The following HADH variants were observed in gnomAD, a reference collection of about 807,000 sequenced individuals.
HADH encodes the protein hydroxyacyl-CoA dehydrogenase.
In HADH, 24 loss-of-function variants were observed where a neutral mutation model predicts 32.2. The observed-to-expected ratio is 0.75, with a 90% confidence interval of 0.54 to 1.05. The LOEUF is 1.05. Ranked by LOEUF, HADH falls within the 50% of genes least tolerant of loss-of-function variation. The pLI is 0.00. For missense variants in HADH, 350 were observed against 397.1 expected (o/e 0.88, Z 1.01); for synonymous variants, 139 against 152.5 (o/e 0.91, Z 0.65).
At chr4:108,034,162 G>C in intron 7 of HADH, 77 bp from the exon 8 acceptor site, 1 of 1,010,804 alleles carries the variant, frequency 9.9e-7, no homozygotes, top group Non-Finnish European at 1.6e-6. Context: ...CAGGCCTCCA[G>C]ACTTGTCCTT....
At chr4:108,023,747 TCCTAAGCCATG>T (rs1461969762) in intron 5 of HADH, 184 bp downstream of exon 5, 1 of 627,484 alleles carries the variant, frequency 1.6e-6, no homozygotes, top group Non-Finnish European at 2.9e-6. Flanking sequence ...GAAACTGGAC[TCCTAAGCCATG>T]CCTAAGGCCA....
intron 4 of HADH, among the ~76,000 whole-genome samples, chr4:108,020,233 G>A (rs894773438): frequency 7.9e-5 from 12 of 152,214 alleles, no homozygotes; most frequent in Non-Finnish European, 1.5e-5. Context: ...ACTTTTGGAG[G>A]TGGAAGTTAG....
In HADH at chr4:108,032,382, C is replaced by A. The variant is rs1736301791; in HGVS notation, c.710-794C>A. On this transcript the variant is annotated intron_variant, in intron 6 of 7. Coordinates refer to ENST00000309522, the MANE Select transcript of HADH (RefSeq NM_005327.7). ...GTTTGGGCTTTTCTTTAAAAGGTAT[C>A]TTGACTAAAAGGTTTGTGTGAAATG... 1.9e-6 allele frequency: 3 copies of A among 1,587,882 alleles called. No homozygotes were observed. The East Asian group carries it at 6.7e-5, about 36-fold the overall frequency.
Position 108,014,609 on chromosome 4 carries a change from C to A in HADH, c.419+21C>A, listed in dbSNP as rs17585652. ...GCTGAGTATGTAACCTCTGGACAAT[C>A]TTCTTTTTTTTTTTTTTTAACCTTA... On this transcript the variant is annotated intron_variant, in intron 3 of 7. Transcript: ENST00000309522. 6,166 of 1,520,690 alleles carry A rather than the reference C, an allele frequency of 4.1e-3. 187 individuals carry two copies. The African/African-American group carries it at 0.068, about 17-fold the overall frequency. 94.2% of individuals were successfully genotyped at this position (1,520,690 alleles called of 1,614,324 possible).
chr4:108,008,802 C>T (rs1338854764), intron 1 of HADH, among the ~76,000 whole-genome samples: 1 of 152,172 alleles, frequency 6.6e-6, no homozygotes, highest in Non-Finnish European at 1.5e-5. Flanking sequence ...CATGCCTGTC[C>T]TCTTGCTTCT....
chr4:108,020,228 T>C (rs1735838780), intron 4 of HADH, among the ~76,000 whole-genome samples: 2 of 152,162 alleles, frequency 1.3e-5, no homozygotes. Context: ...CTAGAACTTT[T>C]GGAGGTGGAA....
In HADH at chr4:107,990,031, C is replaced by G. The variant is rs74428123; in HGVS notation, c.99C>G (p.Ile33Met). The change falls in exon 1 of 8, where the codon ATC becomes ATG. Residue 33 changes from isoleucine (I) to methionine (M), a missense_variant. Transcript: ENST00000309522. ...KKIIVKHVTV[I>M]GGGLMGAGIA... ...TAATCGTCAAGCACGTGACGGTCAT[C>G]GGCGGCGGGCTGATGGGCGCCGGCA... The G allele has an allele frequency of 2.0e-4, 317 of 1,611,244 alleles. 1 individual carries two copies. In the East Asian group the frequency reaches 5.5e-3, roughly 28 times the overall value.
In HADH at chr4:108,027,756, A is replaced by C. The variant is rs911399847; in HGVS notation, c.705A>C (p.Glu235Asp). The C allele has an allele frequency of 4.4e-6, 7 of 1,593,168 alleles. No individual in the cohort carries two copies. The Admixed American group carries it at 5.0e-5, about 11-fold the overall frequency. ...PYLMEAIRLY[E>D]RGDASKEDID... ...TCATGGAAGCAATCAGGCTGTATGA[A>C]CGAGGTATCCTTCTGACCCAGGCCA... Residue 235 changes from glutamate to aspartate, a missense_variant, in exon 6 of 8, where the codon GAA becomes GAC. Coordinates refer to ENST00000309522, the MANE Select transcript of HADH (RefSeq NM_005327.7).
intron 5 of HADH, 80 bp downstream of exon 5, chr4:108,023,643 T>C (rs1285331590): frequency 9.2e-6 from 8 of 866,270 alleles, no homozygotes; most frequent in African/African-American, 3.3e-5. Context: ...ATTCTTCTCA[T>C]AGAATGATGT....
intron 6 of HADH, chr4:108,029,569 A>G (rs1263702410): frequency 1.3e-5 from 2 of 152,252 alleles, no homozygotes; most frequent in Non-Finnish European, 2.9e-5. Flanking sequence ...GAACTCATGC[A>G]AGGAGAAATT....
At chr4:108,011,372 G>C (rs148478107) in intron 2 of HADH, among the ~76,000 whole-genome samples, 1 of 152,308 alleles carries the variant, frequency 6.6e-6, no homozygotes, top group African/African-American at 2.4e-5. Context: ...GGTAGAAGGC[G>C]AAGGAAGAAC....
At position 108,019,646 on chromosome 4, in the gene HADH, C is replaced by T. The variant is rs542779365; in HGVS notation, c.526C>T (p.Pro176Ser). 9 of 1,614,136 alleles carry T rather than the reference C, an allele frequency of 5.6e-6. No homozygotes were observed. The highest frequency in any genetic ancestry group is 3.3e-5 in the South Asian group (3 of 91,082). ...FAGLHFFNPV[P>S]VMKLVEVIKT... ...TGGCCTCCATTTCTTCAACCCAGTG[C>T]CTGTCATGAAACTTGTGGAGGTCAG... Residue 176 changes from proline to serine, a missense_variant, in exon 4 of 8, where the codon CCT (proline) becomes TCT (serine). By Grantham distance (74) the Pro-to-Ser change is moderately conservative (BLOSUM62 -1). Transcript: ENST00000309522.
chr4:108,029,740 G>C (rs1445346776), intron 6 of HADH: 1 of 152,378 alleles, frequency 6.6e-6, no homozygotes, highest in Non-Finnish European at 1.5e-5. Context: ...CAGTCCCCAT[G>C]GGATCTCGTG....
intron 7 of HADH, 142 bp downstream of exon 7, chr4:108,033,434 C>G: frequency 1.4e-6 from 1 of 701,890 alleles, no homozygotes; most frequent in Non-Finnish European, 2.6e-6. Context: ...AATTCATGAA[C>G]AGATGTCAGG....
Position 107,991,642 on chromosome 4 carries a change from A to G in HADH, c.132+1578A>G, listed in dbSNP as rs1040010336. Among the ~76,000 whole-genome samples, 6 of 152,128 alleles carry G rather than the reference A, an allele frequency of 3.9e-5. No homozygotes were observed. The East Asian group carries it at 9.6e-4, about 24-fold the overall frequency. Reference sequence around the variant, plus strand: ...ATAGTATCCCCATAATCTATGTTGTATGTGGACTGGGAGGAGTAACTCCCT... The same window carrying G: ...ATAGTATCCCCATAATCTATGTTGTGTGTGGACTGGGAGGAGTAACTCCCT... On this transcript the variant is annotated intron_variant, in intron 1 of 7. Coordinates refer to ENST00000309522, the MANE Select transcript of HADH (RefSeq NM_005327.7).
intron 1 of HADH, among the ~76,000 whole-genome samples, chr4:107,998,274 G>A (rs1411788916): frequency 1.3e-5 from 2 of 151,844 alleles, no homozygotes; most frequent in Non-Finnish European, 2.9e-5. Context: ...TTACTAACTG[G>A]AAATGATTGT....
chr4:108,009,680 G>A (rs540644797), intron 1 of HADH, 79 bp from the exon 2 acceptor site: 25 of 1,226,106 alleles, frequency 2.0e-5, no homozygotes, highest in Non-Finnish European at 1.2e-6. Context: ...AAATGCCACT[G>A]TTTTTTGGGG....
At chr4:108,003,070 A>T (rs1176460787) in intron 1 of HADH, among the ~76,000 whole-genome samples, 1 of 150,042 alleles carries the variant, frequency 6.7e-6, no homozygotes, top group Non-Finnish European at 1.5e-5. Flanking sequence ...ACCCAAAGTC[A>T]CACAGTGAGT....
At chr4:108,032,649 G>C (rs1245807868) in intron 6 of HADH, 3 of 382,506 alleles carry the variant, frequency 7.8e-6, no homozygotes, top group African/African-American at 2.0e-5. Flanking sequence ...CCATGAACAG[G>C]GTATCAGTAC....
Sources: gnomAD v4.1 joint callset for allele counts (sites outside exome capture counted in the v4.1 genomes callset) on GRCh38, gnomAD v4.1.1 for gene constraint, MANE v1.5 for transcripts, NCBI Gene and HGNC (gene_info 2026-07-23, HGNC 2026-07-21) for gene names.